PRKD1: variants seen among roughly 807,000 people sequenced by gnomAD.
The protein encoded by PRKD1 is serine/threonine-protein kinase D1.
In PRKD1, 63 loss-of-function variants were observed where a neutral mutation model predicts 95.9. That is an observed-to-expected ratio of 0.66 (90% confidence interval 0.54 to 0.81). The LOEUF is 0.81. Among genes scored for constraint, PRKD1 ranks in the 30% least tolerant of loss-of-function variants. PRKD1 has a pLI of 0.00. For missense variants in PRKD1, 1,048 were observed against 1,165.3 expected (o/e 0.90, Z 1.47); for synonymous variants, 425 against 423.1 (o/e 1.00, Z -0.05).
intron 1 of PRKD1, among the ~76,000 whole-genome samples, chr14:29,919,085 A>G (rs1360818726): frequency 6.6e-6 from 1 of 152,216 alleles, no homozygotes; most frequent in Non-Finnish European, 1.5e-5. Flanking sequence ...TTCCTCATCA[A>G]TCAGTGGTTT....
At chr14:29,878,614 G>A (rs1256281267) in intron 1 of PRKD1, among the ~76,000 whole-genome samples, 1 of 152,190 alleles carries the variant, frequency 6.6e-6, no homozygotes, top group African/African-American at 2.4e-5. Flanking sequence ...CAACATGGAT[G>A]AGCCTTGAAA....
intron 13 of PRKD1, among the ~76,000 whole-genome samples, chr14:29,616,251 A>T (rs1325280644): frequency 1.3e-5 from 2 of 149,772 alleles, no homozygotes; most frequent in African/African-American, 4.9e-5. Context: ...GCCAAAAAAA[A>T]AAAAAAAAAA....
At chr14:29,920,001 G>A (rs909969519) in intron 1 of PRKD1, among the ~76,000 whole-genome samples, 1 of 140,342 alleles carries the variant, frequency 7.1e-6, no homozygotes, top group Non-Finnish European at 1.5e-5. Flanking sequence ...AGGAAGGAAG[G>A]TAGGAAGGAA....
intron 2 of PRKD1, among the ~76,000 whole-genome samples, chr14:29,711,836 T>G (rs1001864488): frequency 6.6e-6 from 1 of 152,142 alleles, no homozygotes; most frequent in East Asian, 1.9e-4. Flanking sequence ...ATTACTTTTA[T>G]TACTTTTCAT....
At chr14:29,621,825 G>C (rs181686331) in intron 13 of PRKD1, among the ~76,000 whole-genome samples, 1 of 152,310 alleles carries the variant, frequency 6.6e-6, no homozygotes, top group African/African-American at 2.4e-5. Context: ...ATTAGGGGCA[G>C]TGGGATTGAG....
At chr14:29,791,936 T>C (rs1478047166) in intron 1 of PRKD1, among the ~76,000 whole-genome samples, 1 of 152,140 alleles carries the variant, frequency 6.6e-6, no homozygotes, top group Non-Finnish European at 1.5e-5. Context: ...AAAGTGATTG[T>C]GGTATTGTAT....
intron 1 of PRKD1, among the ~76,000 whole-genome samples, chr14:29,819,807 G>T (rs1344344663): frequency 6.6e-6 from 1 of 152,188 alleles, no homozygotes; most frequent in Non-Finnish European, 1.5e-5. Flanking sequence ...TGTTTTTATT[G>T]TTGGCAAATT....
chr14:29,644,112 T>A (rs1013978540), intron 4 of PRKD1, among the ~76,000 whole-genome samples: 5 of 152,214 alleles, frequency 3.3e-5, no homozygotes, highest in South Asian at 2.1e-4. Flanking sequence ...GATTAGTGGA[T>A]GAGACGTTTC....
intron 2 of PRKD1, among the ~76,000 whole-genome samples, chr14:29,689,065 C>A (rs191185410): frequency 6.7e-6 from 1 of 149,300 alleles, no homozygotes; most frequent in South Asian, 2.1e-4. Context: ...AAAGATTTTA[C>A]AATGAAAATG....
At chr14:29,592,488 A>G (rs983364556) in intron 16 of PRKD1, among the ~76,000 whole-genome samples, 6 of 152,208 alleles carry the variant, frequency 3.9e-5, no homozygotes, top group Admixed American at 3.3e-4. Flanking sequence ...TAAGTTATAC[A>G]TAAATGCATT....
rs547930143 is a variant in PRKD1, at chr14:29,764,546, G to A, written c.265-38872C>T. On this transcript the variant is annotated intron_variant, in intron 1 of 17. Coordinates refer to ENST00000331968, the MANE Select transcript of PRKD1 (RefSeq NM_002742.3). ...CAAGACCAAGGTGCAGCAGTTTGAT[G>A]TCTGGTAAGGGCTGCTCTCTGCTTC... Among the ~76,000 whole-genome samples, 7 of 152,292 alleles carry A rather than the reference G, an allele frequency of 4.6e-5. No homozygotes were observed. The South Asian group carries it at 8.3e-4, about 18-fold the overall frequency.
chr14:29,726,467 G>GA (rs773449713), intron 1 of PRKD1, among the ~76,000 whole-genome samples: 5 of 152,156 alleles, frequency 3.3e-5, no homozygotes, highest in Non-Finnish European at 4.4e-5. Flanking sequence ...AGTGGGAAAA[G>GA]ATGCAAACTC....
chr14:29,639,868 A>C (rs563133431), intron 4 of PRKD1, among the ~76,000 whole-genome samples: 3 of 152,314 alleles, frequency 2.0e-5, no homozygotes, highest in South Asian at 4.1e-4. Flanking sequence ...AGAATTATTT[A>C]ATCAGCCCAG....
chr14:29,670,946 T>A (rs563630059), intron 2 of PRKD1, among the ~76,000 whole-genome samples: 1 of 152,150 alleles, frequency 6.6e-6, no homozygotes, highest in South Asian at 2.1e-4. Context: ...ATCTTTCAGA[T>A]GGGTGCTGAA....
At chr14:29,894,297 A>G (rs948942640) in intron 1 of PRKD1, among the ~76,000 whole-genome samples, 1 of 152,212 alleles carries the variant, frequency 6.6e-6, no homozygotes, top group Non-Finnish European at 1.5e-5. Flanking sequence ...AGATGGGTAG[A>G]TCAGCAAAAT....
chr14:29,699,941 C>T (rs1038764620), intron 2 of PRKD1, among the ~76,000 whole-genome samples: 4 of 152,048 alleles, frequency 2.6e-5, no homozygotes, highest in African/African-American at 9.7e-5. Context: ...CTTTATCATT[C>T]TTCTTTTGGA....
chr14:29,899,427 A>G (rs1894244074), intron 1 of PRKD1, among the ~76,000 whole-genome samples: 1 of 152,158 alleles, frequency 6.6e-6, no homozygotes, highest in Non-Finnish European at 1.5e-5. Flanking sequence ...TGCACAGATC[A>G]CTTAAGGCCC....
chr14:29,920,648 T>A (rs1024220453), intron 1 of PRKD1, among the ~76,000 whole-genome samples: 9 of 150,222 alleles, frequency 6.0e-5, no homozygotes, highest in Non-Finnish European at 1.3e-4. Flanking sequence ...AATTATCCAT[T>A]ACACTCTTCT....
intron 4 of PRKD1, among the ~76,000 whole-genome samples, chr14:29,663,395 CA>C (rs1189334144): frequency 6.6e-6 from 1 of 151,950 alleles, no homozygotes; most frequent in East Asian, 1.9e-4. Context: ...CTCTGGTTTC[CA>C]AATTTTGACA....
Sources: allele counts gnomAD v4.1 joint callset (sites outside exome capture counted in the v4.1 genomes callset), GRCh38; gene constraint gnomAD v4.1.1; transcripts MANE v1.5; gene names NCBI Gene and HGNC (gene_info 2026-07-23, HGNC 2026-07-21).